The following TH variants were observed in gnomAD, a reference collection of about 807,000 sequenced individuals.
TH encodes tyrosine 3-monooxygenase.
TH carries 49 observed loss-of-function variants against 57.4 expected under a neutral mutation model. That is an observed-to-expected ratio of 0.85 (90% CI 0.68 to 1.08). TH has a LOEUF of 1.08. TH is among the 50% of genes least tolerant of loss of function. TH has a pLI of 0.00. For missense variants in TH, 720 were observed against 696.7 expected, an observed-to-expected ratio of 1.03 and a Z score of -0.38; for synonymous variants, 330 against 304.5, an observed-to-expected ratio of 1.08 and a Z score of -0.87.
At chr11:2,166,823 G>C (rs955038450) in intron 7 of TH, 55 bp from the exon 8 acceptor site, 11 of 1,561,084 alleles carry the variant, frequency 7.0e-6, no homozygotes, top group Non-Finnish European at 9.5e-6. Flanking sequence ...AGCCGCGCTG[G>C]GGTGGGGCGC....
Position 2,165,286 on chromosome 11 carries a change from T to C in TH, c.1280A>G (p.Tyr427Cys). 1 of 1,612,890 alleles carries C rather than the reference T, an allele frequency of 6.2e-7. No homozygotes were observed. The highest frequency in any genetic ancestry group is 1.3e-5 in the African/African-American group (1 of 75,060). The part of the protein sequence containing the change: ...AAVQPYQDQT[Y>C]QSVYFVSESF... ...CTCAGACACGAAGTAGACTGACTGG[T>C]ACGTCTGGTCTTGGTAGGGCTGCAC... Residue 427 changes from tyrosine (Y) to cysteine (C), a missense_variant, in exon 12 of 13, where the codon TAC becomes TGC. Transcript: ENST00000352909.
rs112257019 is a variant in TH, at chr11:2,171,251, C to T, written c.90+446G>A. On this transcript the variant is annotated intron_variant, in intron 1 of 12. Coordinates refer to ENST00000352909, the MANE Select transcript of TH (RefSeq NM_000360.4). This position sits in a 1 kb window ranked among gnomAD's most constrained non-coding sequence, Gnocchi z 8.6. ...CTGGGAAGGGCCTTGGGGCTGCCTC[C>T]CCAAGCAGGCAGGCTGGTTGGGGTG... 6.7e-4 allele frequency among the ~76,000 whole-genome samples: 102 copies of T among 152,112 alleles called. No homozygotes were observed. In the Middle Eastern group the frequency reaches 0.02, roughly 30 times the overall value.
At chr11:2,165,840 A>G in intron 10 of TH, 77 bp from the exon 11 acceptor site, 1 of 1,546,856 alleles carries the variant, frequency 6.5e-7, no homozygotes, top group Non-Finnish European at 8.8e-7. Context: ...CGTGACCAGG[A>G]TACCACCCCC....
intron 6 of TH, 43 bp from the exon 7 acceptor site, chr11:2,167,075 G>C: frequency 6.4e-7 from 1 of 1,553,882 alleles, no homozygotes; most frequent in Non-Finnish European, 8.7e-7. Flanking sequence ...CCCCACCCCA[G>C]TGCCCGAAAC....
Position 2,169,836 on chromosome 11 carries a change from G to T in TH, c.126C>A (p.Ile42=), listed in dbSNP as rs755664117. 18 of 1,610,570 alleles carry T rather than the reference G, an allele frequency of 1.1e-5. No individual in the cohort carries two copies. In the East Asian group the frequency reaches 4.0e-4, roughly 36 times the overall value. Residue 42 remains isoleucine (I), a synonymous_variant, in exon 2 of 13, where the codon ATC becomes ATA. Coordinates refer to ENST00000352909, the MANE Select transcript of TH (RefSeq NM_000360.4). Reference sequence around the variant, plus strand: ...CCTCCCGCTCCTTGCGGGCGTCCTCGATGAGGCTCTGCCTGCGCCCAATGA... The same window carrying T: ...CCTCCCGCTCCTTGCGGGCGTCCTCTATGAGGCTCTGCCTGCGCCCAATGA... ...PRFIGRRQSL[I]EDARKEREAA... is the part of the protein sequence containing the mutation.
At chr11:2,168,739 G>GGT in intron 2 of TH, 74 bp from the exon 3 acceptor site, 2 of 449,654 alleles carry the variant, frequency 4.4e-6, no homozygotes, top group Non-Finnish European at 9.1e-6. Flanking sequence ...GGGGTGGGCG[G>GGT]GGAGGAGGCA....
chr11:2,169,860 G>A lies in TH; in HGVS notation c.102C>T (p.Phe34=). ...CGATGAGGCTCTGCCTGCGCCCAAT[G>A]AACCGCGGGGACTGTGGGGACAAGG... The part of the protein sequence containing the change: ...KQAEAIMSPR[F]IGRRQSLIED... The change falls in exon 2 of 13, where the codon TTC becomes TTT. Residue 34 remains phenylalanine (F), a synonymous_variant. Coordinates refer to ENST00000352909, the MANE Select transcript of TH (RefSeq NM_000360.4). The A allele has an allele frequency of 3.1e-6, 5 of 1,609,494 alleles. No homozygotes were observed. Among genetic ancestry groups the A allele is most frequent in the Non-Finnish European group, 4.2e-6 (5 of 1,179,356 alleles).
At chr11:2,168,778 T>G in intron 2 of TH, 113 bp from the exon 3 acceptor site, 1 of 1,284,388 alleles carries the variant, frequency 7.8e-7, no homozygotes, top group Non-Finnish European at 1.1e-6. Context: ...GGCCCTGCCC[T>G]TGACTTTTGT....
chr11:2,166,932 C>G lies in TH; in HGVS notation c.796G>C (p.Glu266Gln). The G allele has an allele frequency of 6.2e-7, 1 of 1,601,814 alleles. No individual in the cohort carries two copies. The highest frequency in any genetic ancestry group is 1.1e-5 in the South Asian group (1 of 88,816). The part of the protein sequence containing the change: ...ALLERFSGYR[E>Q]DNIPQLEDVS... ...TCCTCCAGCTGGGGGATATTGTCTT[C>G]CCGGTAGCCGCTGAAGCGCTCCAGC... The change falls in exon 7 of 13, where the codon GAA becomes CAA. Residue 266 changes from glutamate to glutamine, a missense_variant. Glu to Gln is a conservative substitution (Grantham distance 29). Transcript: ENST00000352909.
chr11:2,170,479 C>T lies in TH; in HGVS notation c.91-608G>A, dbSNP rs11564713. On this transcript the variant is annotated intron_variant, in intron 1 of 12. Transcript: ENST00000352909. This position sits in a 1 kb window ranked among gnomAD's most constrained non-coding sequence, Gnocchi z 6.0. ...CTGGGCGCAGGTGTCTCTCCCTGGG[C>T]TCAGCGCCTCTGACCCCTCGATCCC... is the stretch of plus-strand genomic sequence containing the variant. 0.33 allele frequency among the ~76,000 whole-genome samples: 49,907 copies of T among 151,970 alleles called. 9,724 individuals carry two copies. Among genetic ancestry groups the T allele is most frequent in the East Asian group, 0.79 (4,047 of 5,128 alleles).
chr11:2,171,643 C>T lies in TH; in HGVS notation c.90+54G>A. ...TGGGGAGTAGCAGAGGCAGCTGGCACCAGCCCTGGGCTCCGGTCCACTGCG... is the reference window on the plus strand; with the variant it reads ...TGGGGAGTAGCAGAGGCAGCTGGCATCAGCCCTGGGCTCCGGTCCACTGCG... On this transcript the variant is annotated intron_variant, in intron 1 of 12. Coordinates refer to ENST00000352909, the MANE Select transcript of TH (RefSeq NM_000360.4). This position sits in a 1 kb window ranked among gnomAD's most constrained non-coding sequence, Gnocchi z 8.6. 6.3e-7 allele frequency: 1 copy of T among 1,589,214 alleles called. No individual in the cohort carries two copies. The highest frequency in any genetic ancestry group is 8.6e-7 in the Non-Finnish European group (1 of 1,166,850).
chr11:2,171,298 G>C lies in TH; in HGVS notation c.90+399C>G, dbSNP rs556108314. Among the ~76,000 whole-genome samples, 4 of 152,194 alleles carry C rather than the reference G, an allele frequency of 2.6e-5. No individual in the cohort carries two copies. In the South Asian group the frequency reaches 6.2e-4, roughly 24 times the overall value. ...GGTGCTGACTAGGGCAGCTGGGGCA[G>C]AGGGAGGCAGGGGCAGGTGGGAGTA... is the stretch of plus-strand genomic sequence containing the variant. On this transcript the variant is annotated intron_variant, in intron 1 of 12. Transcript: ENST00000352909. This position sits in a 1 kb window ranked among gnomAD's most constrained non-coding sequence, Gnocchi z 8.6.
intron 12 of TH, among the ~76,000 whole-genome samples, chr11:2,164,793 A>G (rs1172707979): frequency 2.0e-5 from 3 of 152,044 alleles, no homozygotes; most frequent in African/African-American, 7.2e-5. Flanking sequence ...TTTTATGAGG[A>G]TGAGGCTAGA....
rs1173793067 is a variant in TH at position 2,168,187 on chromosome 11, G to A, written c.488-8C>T. 2 of 1,612,826 alleles carry A rather than the reference G, an allele frequency of 1.2e-6. No homozygotes were observed. Among genetic ancestry groups the A allele is most frequent in the African/African-American group, 2.7e-5 (2 of 74,918 alleles). On this transcript the variant is annotated splice_region_variant and splice_polypyrimidine_tract_variant and intron_variant, in intron 3 of 12. Coordinates refer to ENST00000352909, the MANE Select transcript of TH (RefSeq NM_000360.4). ...TTCTTGGGAACCAGGGGACTTTATG[G>A]GTGATGGAGGAAGAGATCTTGGTGA...
chr11:2,168,257 C>T, intron 3 of TH, 78 bp from the exon 4 acceptor site: 1 of 1,511,402 alleles, frequency 6.6e-7, no homozygotes, highest in Non-Finnish European at 9.2e-7. Context: ...AGCAGCCTCC[C>T]CTACAAGACT....
rs1413216013 is a variant in TH at position 2,166,059 on chromosome 11, C to T, written c.1048-1G>A. On this transcript the variant is annotated splice_acceptor_variant, in intron 9 of 12. Coordinates refer to ENST00000352909, the MANE Select transcript of TH (RefSeq NM_000360.4). LOFTEE classifies it high-confidence loss of function. ...CCCCCAGGGACGCCAGGCCAATGTCCTGTGGAGCAGGGAGGATGAAGGATG... is the reference window on the plus strand; with the variant it reads ...CCCCCAGGGACGCCAGGCCAATGTCTTGTGGAGCAGGGAGGATGAAGGATG... 6.4e-7 allele frequency: 1 copy of T among 1,554,890 alleles called. No individual in the cohort carries two copies. The highest frequency in any genetic ancestry group is 8.7e-7 in the Non-Finnish European group (1 of 1,148,940).
Position 2,171,111 on chromosome 11 carries a change from GAAT to G in TH, c.90+583_90+585del, listed in dbSNP as rs1319187947. ...TGAATGAATGAATGAATGAATGAAT[GAAT>G]GAGGGAAATAAGGGAGGAACAGGCC... On this transcript the variant is annotated intron_variant, in intron 1 of 12. Coordinates refer to ENST00000352909, the MANE Select transcript of TH (RefSeq NM_000360.4). The surrounding 1 kb of genome is among the most constrained non-coding windows in gnomAD (Gnocchi z 8.6). Among the ~76,000 whole-genome samples, 2 of 151,460 alleles carry G rather than the reference GAAT, an allele frequency of 1.3e-5. No individual in the cohort carries two copies. Among genetic ancestry groups the G allele is most frequent in the Admixed American group, 6.6e-5 (1 of 15,208 alleles).
intron 11 of TH, 138 bp downstream of exon 11, chr11:2,165,530 G>A: frequency 7.4e-7 from 1 of 1,355,688 alleles, no homozygotes; most frequent in Non-Finnish European, 1.0e-6. Flanking sequence ...ACTGGGCAGA[G>A]ACAAGCCTTC....
rs528105731 is a variant in TH at position 2,168,564 on chromosome 11, T to G, written c.414A>C (p.Arg138=). The G allele has an allele frequency of 3.5e-5, 56 of 1,611,578 alleles. No homozygotes were observed. Among genetic ancestry groups the G allele is most frequent in the Non-Finnish European group, 4.3e-5 (51 of 1,179,650 alleles). Residue 138 remains arginine, a synonymous_variant, in exon 3 of 13, where the codon CGA becomes CGC. Coordinates refer to ENST00000352909, the MANE Select transcript of TH (RefSeq NM_000360.4). The part of the protein sequence containing the change: ...LEYFVRLEVR[R]GDLAALLSGV... ...CACTGAGCAGGGCGGCCAGGTCCCC[T>G]CGGCGCACCTCGAGGCGCACGAAGT...
Sources: gnomAD v4.1 joint callset for allele counts (sites outside exome capture counted in the v4.1 genomes callset) on GRCh38, gnomAD v4.1.1 for gene constraint, Gnocchi (gnomAD v3.1) non-coding constraint, MANE v1.5 for transcripts, NCBI Gene and HGNC (gene_info 2026-07-23, HGNC 2026-07-21) for gene names.